ARID1B: variants seen among roughly 807,000 people sequenced by gnomAD.
ARID1B encodes AT-rich interaction domain 1B.
A neutral mutation model predicts 212.3 loss-of-function variants in ARID1B; 30 were observed. That is an observed-to-expected ratio of 0.14 (90% CI 0.11 to 0.19). The LOEUF (loss-of-function observed/expected upper bound fraction) is 0.19, where lower values mean the gene tolerates loss of function less well. Among genes scored for constraint, ARID1B ranks in the 10% least tolerant of loss-of-function variants. ARID1B has a pLI of 1.00. For synonymous variants in ARID1B, 1,402 were observed against 1,301.7 expected (o/e 1.08, Z -1.66); for missense variants, 2,891 against 3,204.0 (o/e 0.90, Z 2.36).
chr6:156,808,107 G>C (rs1325004763), intron 1 of ARID1B, among the ~76,000 whole-genome samples: 1 of 152,222 alleles, frequency 6.6e-6, no homozygotes, highest in Non-Finnish European at 1.5e-5. Context: ...CAAAGCAGAA[G>C]CAGAGGTAGA....
At chr6:157,171,352 A>G (rs113927276) in intron 9 of ARID1B, among the ~76,000 whole-genome samples, 6 of 152,316 alleles carry the variant, frequency 3.9e-5, no homozygotes, top group East Asian at 1.9e-4. Context: ...ACTCGTGTCA[A>G]TAGGAGAAGG....
At chr6:157,147,490 A>G (rs866541989) in intron 7 of ARID1B, among the ~76,000 whole-genome samples, 1 of 15,278 alleles carries the variant, frequency 6.5e-5, no homozygotes, top group African/African-American at 6.4e-4. Flanking sequence ...TCCGCCTCCG[A>G]CCCTGACCTC....
rs575127823 is a variant in ARID1B, at chr6:157,178,172, G to A, written c.3505-2797G>A. On this transcript the variant is annotated intron_variant, in intron 11 of 19. Transcript: ENST00000636930. ...CCCACGTTCACTCCACACCTTGCTC[G>A]GTGAAATCCTGTTTATAGGATATTT... Among the ~76,000 whole-genome samples the A allele has an allele frequency of 7.9e-5, 12 of 152,228 alleles. No individual in the cohort carries two copies. In the South Asian group the frequency reaches 1.0e-3, roughly 13 times the overall value.
At chr6:157,009,052 C>T (rs1220837696) in intron 4 of ARID1B, among the ~76,000 whole-genome samples, 2 of 152,220 alleles carry the variant, frequency 1.3e-5, no homozygotes, top group South Asian at 2.1e-4. Flanking sequence ...TTTGTAAATA[C>T]CAGTCATTCC....
At chr6:156,966,501 C>T (rs1028023434) in intron 4 of ARID1B, among the ~76,000 whole-genome samples, 1 of 145,762 alleles carries the variant, frequency 6.9e-6, no homozygotes, top group African/African-American at 2.5e-5. Context: ...TCAAGTGATT[C>T]TCCTGCTTCA....
chr6:157,198,988 A>G, intron 17 of ARID1B, 81 bp downstream of exon 17: 2 of 1,195,462 alleles, frequency 1.7e-6, no homozygotes. Context: ...CTTACTTCTG[A>G]AGATTTTCAG....
chr6:157,120,044 A>G (rs895884522), intron 6 of ARID1B, among the ~76,000 whole-genome samples: 6 of 152,268 alleles, frequency 3.9e-5, no homozygotes, highest in African/African-American at 1.4e-4. Flanking sequence ...TGAACATAGT[A>G]AATGTAAGAT....
intron 2 of ARID1B, among the ~76,000 whole-genome samples, chr6:156,846,304 A>G (rs952267316): frequency 2.7e-5 from 4 of 148,882 alleles, no homozygotes; most frequent in Non-Finnish European, 4.4e-5. Context: ...ACAGGTGTGC[A>G]CCACCACACC....
chr6:156,940,861 A>G (rs1792620545), intron 4 of ARID1B: 1 of 152,200 alleles, frequency 6.6e-6, no homozygotes, highest in Admixed American at 6.5e-5. Flanking sequence ...CCAGCTAGAA[A>G]TGTAAATTGC....
At chr6:157,142,648 A>C (rs1317757499) in intron 7 of ARID1B, among the ~76,000 whole-genome samples, 1 of 152,146 alleles carries the variant, frequency 6.6e-6, no homozygotes, top group African/African-American at 2.4e-5. Context: ...AATAACAAAA[A>C]CAACAACAAA....
chr6:157,049,320 C>G (rs952255573), intron 4 of ARID1B, among the ~76,000 whole-genome samples: 5 of 152,132 alleles, frequency 3.3e-5, no homozygotes, highest in African/African-American at 1.2e-4. Context: ...CAAGTGTGAC[C>G]TTCCTTTGGT....
intron 2 of ARID1B, among the ~76,000 whole-genome samples, chr6:156,848,846 C>T (rs1299342928): frequency 1.3e-5 from 2 of 152,186 alleles, no homozygotes; most frequent in Non-Finnish European, 2.9e-5. Flanking sequence ...TTAGCTCTGT[C>T]ATCATAAATA....
chr6:156,823,728 G>T (rs1413988830), intron 1 of ARID1B, among the ~76,000 whole-genome samples: 13 of 138,728 alleles, frequency 9.4e-5, no homozygotes. Context: ...TCCAATTTGC[G>T]GTTGAAGGAA....
At chr6:156,881,667 TC>T (rs955175111) in intron 2 of ARID1B, among the ~76,000 whole-genome samples, 2 of 152,218 alleles carry the variant, frequency 1.3e-5, no homozygotes, top group African/African-American at 2.4e-5. Flanking sequence ...TCTCCAGTGT[TC>T]CTGTCCCCAT....
intron 4 of ARID1B, among the ~76,000 whole-genome samples, chr6:157,068,876 G>A (rs1043633521): frequency 6.6e-5 from 10 of 152,200 alleles, no homozygotes; most frequent in Non-Finnish European, 8.8e-5. Context: ...GTCTGTGTTT[G>A]TAGAACCTGT....
At chr6:156,810,989 A>C (rs1468491831) in intron 1 of ARID1B, among the ~76,000 whole-genome samples, 1 of 152,162 alleles carries the variant, frequency 6.6e-6, no homozygotes, top group Non-Finnish European at 1.5e-5. Flanking sequence ...GCTGTAATCC[A>C]GGTGTCAGCC....
intron 4 of ARID1B, among the ~76,000 whole-genome samples, chr6:156,958,764 T>TA (rs71779354): frequency 0.26 from 39,142 of 151,652 alleles, 5,256 homozygotes; most frequent in Non-Finnish European, 0.28. Context: ...TAATTTCTGC[T>TA]AAAAAAAAGC....
intron 15 of ARID1B, chr6:157,195,906 C>CA (rs1388782839): frequency 2.6e-6 from 1 of 378,368 alleles, no homozygotes; most frequent in Non-Finnish European, 4.8e-6. Flanking sequence ...ACTAAAAATA[C>CA]AAAAATTAGC....
At chr6:157,181,218 G>A (rs1389108854) in intron 12 of ARID1B, 40 bp downstream of exon 12, 2 of 1,603,652 alleles carry the variant, frequency 1.2e-6, no homozygotes, top group African/African-American at 2.7e-5. Flanking sequence ...AGGAAGCATT[G>A]TGGATAAGTT....
Sources: allele counts gnomAD v4.1 joint callset (sites outside exome capture counted in the v4.1 genomes callset), GRCh38; gene constraint gnomAD v4.1.1; transcripts MANE v1.5; gene names NCBI Gene and HGNC (gene_info 2026-07-23, HGNC 2026-07-21).